The following CNTNAP2 variants were observed in gnomAD, a reference collection of about 807,000 sequenced individuals.
The protein encoded by CNTNAP2 is contactin associated protein 2.
Under a neutral mutation model 155.2 loss-of-function variants are expected in CNTNAP2, and 98 were observed. That is an observed-to-expected ratio of 0.63 (90% CI 0.54 to 0.75). CNTNAP2 has a LOEUF of 0.75. CNTNAP2 is among the 30% of genes least tolerant of loss of function. CNTNAP2 has a pLI of 0.00. For synonymous variants in CNTNAP2, 651 were observed against 631.2 expected, an observed-to-expected ratio of 1.03 and a Z score of -0.47; for missense variants, 1,727 against 1,688.1, an observed-to-expected ratio of 1.02 and a Z score of -0.40.
Position 146,839,719 on chromosome 7 carries a change from G to C in CNTNAP2, c.217G>C (p.Gly73Arg). Residue 73 changes from glycine (G) to arginine (R), a missense_variant, in exon 3 of 24, where the codon GGA becomes CGA. By Grantham distance (125) the Gly-to-Arg change is moderately radical. Coordinates refer to ENST00000361727, the MANE Select transcript of CNTNAP2 (RefSeq NM_014141.6). The stretch of plus-strand genomic sequence containing the variant: ...CCTCTGCCCATCTTCAGGTGCTGGG[G>C]GATGGTCTCCATCAGACAGCGACCA... ...AKINKRGGAG[G>R]WSPSDSDHYQ... 1 of 1,614,092 alleles carries C rather than the reference G, an allele frequency of 6.2e-7. No homozygotes were observed.
intron 8 of CNTNAP2, among the ~76,000 whole-genome samples, chr7:147,249,434 T>TA (rs944061078): frequency 1.1e-4 from 16 of 151,892 alleles, no homozygotes; most frequent in Non-Finnish European, 1.3e-4. Context: ...TCTCTCAAGT[T>TA]AAAAAAATTA....
intron 1 of CNTNAP2, among the ~76,000 whole-genome samples, chr7:146,461,143 C>T (rs1183274995): frequency 6.6e-6 from 1 of 151,988 alleles, no homozygotes; most frequent in Non-Finnish European, 1.5e-5. Flanking sequence ...GTGGCTCACA[C>T]CTGTAATCCC....
intron 2 of CNTNAP2, among the ~76,000 whole-genome samples, chr7:146,828,487 C>T (rs947408799): frequency 2.0e-5 from 3 of 151,966 alleles, no homozygotes; most frequent in Admixed American, 2.0e-4. Context: ...TGAATATCTC[C>T]AGTAGTGAAG....
intron 3 of CNTNAP2, among the ~76,000 whole-genome samples, chr7:146,977,295 G>C (rs1563029064): frequency 6.6e-6 from 1 of 151,960 alleles, no homozygotes; most frequent in Non-Finnish European, 1.5e-5. Context: ...CACAGAATCA[G>C]AATCAGAATG....
At chr7:147,436,043 C>T (rs1443680766) in intron 10 of CNTNAP2, among the ~76,000 whole-genome samples, 3 of 151,618 alleles carry the variant, frequency 2.0e-5, no homozygotes, top group Non-Finnish European at 2.9e-5. Context: ...ATCATTTAAA[C>T]GTAAACAACA....
At chr7:147,389,773 G>C (rs1483561467) in intron 9 of CNTNAP2, among the ~76,000 whole-genome samples, 2 of 152,158 alleles carry the variant, frequency 1.3e-5, no homozygotes, top group Non-Finnish European at 2.9e-5. Flanking sequence ...TCAGATTGTA[G>C]AAACCAGTTA....
chr7:148,186,816 GC>G (rs999969280), intron 18 of CNTNAP2, among the ~76,000 whole-genome samples: 1 of 152,000 alleles, frequency 6.6e-6, no homozygotes, highest in African/African-American at 2.4e-5. Context: ...AGTCTCAATG[GC>G]CCTTAAAACT....
intron 1 of CNTNAP2, among the ~76,000 whole-genome samples, chr7:146,550,573 T>C: frequency 6.6e-6 from 1 of 151,948 alleles, no homozygotes. Flanking sequence ...TTTTTCCCTT[T>C]CCTTTTTCCA....
chr7:146,993,273 T>A (rs1798243064), intron 3 of CNTNAP2, among the ~76,000 whole-genome samples: 1 of 152,174 alleles, frequency 6.6e-6, no homozygotes, highest in South Asian at 2.1e-4. Flanking sequence ...GGGTGGGCTG[T>A]CTGCATGTGC....
chr7:147,090,204 G>A, intron 4 of CNTNAP2, among the ~76,000 whole-genome samples: 1 of 152,002 alleles, frequency 6.6e-6, no homozygotes, highest in Non-Finnish European at 1.5e-5. Context: ...TTGCTAAGTG[G>A]GTGGATTAGA....
At chr7:146,420,568 T>G (rs969245012) in intron 1 of CNTNAP2, among the ~76,000 whole-genome samples, 1 of 152,104 alleles carries the variant, frequency 6.6e-6, no homozygotes, top group Non-Finnish European at 1.5e-5. Context: ...GCAGTACACC[T>G]GCAAGAAGAC....
chr7:147,250,405 A>G (rs940812389), intron 8 of CNTNAP2, among the ~76,000 whole-genome samples: 1 of 152,192 alleles, frequency 6.6e-6, no homozygotes, highest in Non-Finnish European at 1.5e-5. Flanking sequence ...AAAAATGCAG[A>G]TGGAGATTCC....
intron 11 of CNTNAP2, among the ~76,000 whole-genome samples, chr7:147,512,060 C>G (rs61047290): frequency 0.029 from 4,403 of 152,260 alleles, 218 homozygotes; most frequent in African/African-American, 0.1. Flanking sequence ...AAGATACAAA[C>G]TGGACACATT....
intron 13 of CNTNAP2, among the ~76,000 whole-genome samples, chr7:147,804,621 T>C (rs1313850818): frequency 6.6e-6 from 1 of 152,122 alleles, no homozygotes; most frequent in African/African-American, 2.4e-5. Context: ...TGGTGCGATC[T>C]CGGCTCACTG....
chr7:148,310,992 A>C (rs139306895), intron 21 of CNTNAP2, among the ~76,000 whole-genome samples: 373 of 152,348 alleles, frequency 2.4e-3, no homozygotes, highest in African/African-American at 8.1e-3. Context: ...AACATCGAGA[A>C]GGTGAAAGAT....
chr7:147,236,083 T>C (rs1803797739), intron 8 of CNTNAP2, among the ~76,000 whole-genome samples: 1 of 152,176 alleles, frequency 6.6e-6, no homozygotes, highest in East Asian at 1.9e-4. Context: ...AACCCCCAGT[T>C]ATAAGCAATT....
intron 11 of CNTNAP2, among the ~76,000 whole-genome samples, chr7:147,531,223 A>G (rs113320383): frequency 0.16 from 24,144 of 152,062 alleles, 2,084 homozygotes; most frequent in Admixed American, 0.23. Context: ...TGGATCTAAC[A>G]TTTTGGGGTC....
chr7:146,965,949 T>A (rs1797649988), intron 3 of CNTNAP2, among the ~76,000 whole-genome samples: 2 of 152,232 alleles, frequency 1.3e-5, no homozygotes, highest in South Asian at 4.1e-4. Context: ...TTATGGTTGT[T>A]CAGAGGTAAC....
chr7:146,568,660 T>G (rs1798394367), intron 1 of CNTNAP2, among the ~76,000 whole-genome samples: 1 of 152,204 alleles, frequency 6.6e-6, no homozygotes, highest in South Asian at 2.1e-4. Flanking sequence ...TTTCTGTACC[T>G]CTTCCTCAGG....
Sources: allele counts gnomAD v4.1 joint callset (sites outside exome capture counted in the v4.1 genomes callset), GRCh38; gene constraint gnomAD v4.1.1; transcripts MANE v1.5; gene names NCBI Gene and HGNC (gene_info 2026-07-23, HGNC 2026-07-21).